INTS6: variants seen among roughly 807,000 people sequenced by gnomAD.
INTS6 encodes DEAD box protein.
A neutral mutation model predicts 104.9 loss-of-function variants in INTS6; 16 were observed. The observed-to-expected ratio is 0.15, with a 90% CI of 0.10 to 0.23. The LOEUF (loss-of-function observed/expected upper bound fraction) is 0.23. Ranked by LOEUF, INTS6 falls within the 10% of genes least tolerant of loss-of-function variation. INTS6 has a pLI of 1.00. For missense variants in INTS6, 584 were observed against 1,062.8 expected (o/e 0.55, Z 6.26); for synonymous variants, 324 against 358.7 (o/e 0.90, Z 1.09).
Position 51,364,454 on chromosome 13 carries a change from T to C in INTS6, c.*1298A>G. On this transcript the variant is annotated 3_prime_UTR_variant, in exon 18 of 18. Coordinates refer to ENST00000311234, the MANE Select transcript of INTS6 (RefSeq NM_012141.3). The stretch of plus-strand genomic sequence containing the variant: ...AGTTTTTAAATGTTATAAGTTTATT[T>C]TGCCTACTCTTAATCCAAATCTATT... The C allele has an allele frequency of 2.0e-6, 1 of 506,736 alleles. No homozygotes were observed. The highest frequency in any genetic ancestry group is 2.0e-5 in the African/African-American group (1 of 50,668). The allele number at this position is 506,736 out of a possible 1,614,324, so 31.4% of individuals were successfully genotyped here. A position where few individuals can be genotyped will look rare whatever the true frequency, so the allele number is the denominator to read the frequency against.
chr13:51,431,685 C>G (rs1234175741), intron 3 of INTS6, among the ~76,000 whole-genome samples: 1 of 152,066 alleles, frequency 6.6e-6, no homozygotes, highest in African/African-American at 2.4e-5. Flanking sequence ...TCAAATCATT[C>G]AACTTGTAAG....
chr13:51,406,490 TTA>T (rs1956569718), intron 4 of INTS6, among the ~76,000 whole-genome samples: 1 of 152,158 alleles, frequency 6.6e-6, no homozygotes, highest in Non-Finnish European at 1.5e-5. Context: ...CCCAACTGCA[TTA>T]TATGTCAGCA....
rs1303433906 is a variant in INTS6, at chr13:51,452,145, GC to G, written c.112-91del. ...AGAAGGGGCGCCCAGCGGCCCCGCC[GC>G]CCCCACAGTACCGCACACGCAGCGG... On this transcript the variant is annotated intron_variant, in intron 1 of 17. Coordinates refer to ENST00000311234, the MANE Select transcript of INTS6 (RefSeq NM_012141.3). This position sits in a 1 kb window ranked among gnomAD's most constrained non-coding sequence, Gnocchi z 4.2. The G allele has an allele frequency of 6.5e-6, 8 of 1,229,142 alleles. No homozygotes were observed. The Admixed American group carries it at 1.3e-4, about 20-fold the overall frequency. The allele number at this position is 1,229,142 out of a possible 1,614,324, so 76.1% of individuals were successfully genotyped here. A position where few individuals can be genotyped will look rare whatever the true frequency, so the allele number is the denominator to read the frequency against.
chr13:51,374,546 G>GTTC (rs1955878820), intron 14 of INTS6, 107 bp from the exon 15 acceptor site: 2 of 1,506,332 alleles, frequency 1.3e-6, no homozygotes, highest in African/African-American at 2.8e-5. Flanking sequence ...ATATTTATTA[G>GTTC]ATACTCTACC....
At chr13:51,373,778 G>C (rs1955861589) in intron 15 of INTS6, among the ~76,000 whole-genome samples, 2 of 152,100 alleles carry the variant, frequency 1.3e-5, no homozygotes, top group Admixed American at 6.5e-5. Context: ...TCCAATATCT[G>C]TTCAATGACT....
At chr13:51,353,150 T>C (rs1043955502), downstream of INTS6, among the ~76,000 whole-genome samples, 4 of 152,198 alleles carry the variant, frequency 2.6e-5, no homozygotes, top group Admixed American at 2.0e-4. Context: ...TTCATAGCCA[T>C]ACAAGACAAT....
At chr13:51,450,693 A>T in intron 3 of INTS6, 1 of 1,004,790 alleles carries the variant, frequency 1.0e-6, no homozygotes, top group Non-Finnish European at 1.2e-6. Flanking sequence ...CCACTATAAT[A>T]GTTGCACATA....
At chr13:51,358,503 C>T (rs903196499), downstream of INTS6, among the ~76,000 whole-genome samples, 4 of 152,106 alleles carry the variant, frequency 2.6e-5, no homozygotes, top group Non-Finnish European at 2.9e-5. Flanking sequence ...TTCTATGCCA[C>T]GCCTTTATGG....
Position 51,452,070 on chromosome 13 carries a change from G to T in INTS6, c.112-15C>A. ...CGGGCACGGAGCTGCGGGACGGGAGGAGGAACAGGGCGGGCGACAGGGAAG... is the reference window on the plus strand; with the variant it reads ...CGGGCACGGAGCTGCGGGACGGGAGTAGGAACAGGGCGGGCGACAGGGAAG... On this transcript the variant is annotated splice_polypyrimidine_tract_variant and intron_variant, in intron 1 of 17. Coordinates refer to ENST00000311234, the MANE Select transcript of INTS6 (RefSeq NM_012141.3). The surrounding 1 kb of genome is among the most constrained non-coding windows in gnomAD (Gnocchi z 4.2). 1 of 1,608,236 alleles carries T rather than the reference G, an allele frequency of 6.2e-7. No homozygotes were observed. The highest frequency in any genetic ancestry group is 8.5e-7 in the Non-Finnish European group (1 of 1,177,118).
intron 13 of INTS6, among the ~76,000 whole-genome samples, chr13:51,375,764 T>TGCGCGCGC (rs1555283860): frequency 4.0e-5 from 6 of 150,848 alleles, no homozygotes; most frequent in African/African-American, 1.5e-4. Context: ...TGTGTGTGTG[T>TGCGCGCGC]GTGCGCGCGC....
At chr13:51,423,033 T>C in intron 4 of INTS6, 29 of 1,272,008 alleles carry the variant, frequency 2.3e-5, no homozygotes, top group Non-Finnish European at 2.8e-5. Flanking sequence ...TACTTGCCTG[T>C]CTTCAAAGAT....
At chr13:51,392,739 T>C (rs1956265822) in intron 5 of INTS6, among the ~76,000 whole-genome samples, 1 of 152,186 alleles carries the variant, frequency 6.6e-6, no homozygotes, top group Non-Finnish European at 1.5e-5. Context: ...TCTACTACAA[T>C]AGTAGTAGGT....
At chr13:51,409,513 T>C (rs555341195) in intron 4 of INTS6, among the ~76,000 whole-genome samples, 31 of 151,978 alleles carry the variant, frequency 2.0e-4, no homozygotes, top group African/African-American at 7.2e-4. Context: ...TCTCATAGCT[T>C]TGATAGTTTT....
chr13:51,361,692 C>T lies in INTS6; in HGVS notation c.*4060G>A, dbSNP rs1037757881. On this transcript the variant is annotated 3_prime_UTR_variant, in exon 18 of 18. Coordinates refer to ENST00000311234, the MANE Select transcript of INTS6 (RefSeq NM_012141.3). Reference sequence around the variant, plus strand: ...TCTGCACCCCCATCACAACAGTAAACAATCAAATGCCATTAGGATGCTTTG... The same window carrying T: ...TCTGCACCCCCATCACAACAGTAAATAATCAAATGCCATTAGGATGCTTTG... The T allele has an allele frequency of 1.1e-6, 1 of 893,162 alleles. No homozygotes were observed. Among genetic ancestry groups the T allele is most frequent in the African/African-American group, 1.7e-5 (1 of 58,728 alleles). 55.3% of individuals were successfully genotyped at this position (893,162 alleles called of 1,614,324 possible). A position where few individuals can be genotyped will look rare whatever the true frequency, so the allele number is the denominator to read the frequency against.
intron 5 of INTS6, among the ~76,000 whole-genome samples, chr13:51,389,822 T>TAC (rs1956212576): frequency 1.3e-5 from 2 of 152,164 alleles, no homozygotes; most frequent in East Asian, 1.9e-4. Context: ...TTAACACATA[T>TAC]ACACACACAC....
chr13:51,449,888 T>C (rs1952999481), intron 3 of INTS6: 1 of 985,308 alleles, frequency 1.0e-6, no homozygotes, highest in Non-Finnish European at 1.2e-6. Context: ...ACGTTGGAAG[T>C]TCAATTTGGT....
intron 4 of INTS6, among the ~76,000 whole-genome samples, chr13:51,416,638 G>C (rs1956792251): frequency 6.6e-6 from 1 of 152,122 alleles, no homozygotes; most frequent in Non-Finnish European, 1.5e-5. Flanking sequence ...ATAGACATTT[G>C]TGTTGTTTCC....
intron 3 of INTS6, chr13:51,438,716 T>A (rs976765434): frequency 4.6e-5 from 7 of 152,368 alleles, no homozygotes; most frequent in African/African-American, 1.7e-4. Flanking sequence ...AGAAATGTGA[T>A]TACACAAAAT....
intron 4 of INTS6, among the ~76,000 whole-genome samples, chr13:51,413,705 G>GA (rs35089232): frequency 1.3e-5 from 2 of 152,144 alleles, no homozygotes; most frequent in East Asian, 1.9e-4. Context: ...GCTCTGTACT[G>GA]AAAAAGCCTG....
Sources: gnomAD v4.1 joint callset for allele counts (sites outside exome capture counted in the v4.1 genomes callset) on GRCh38, gnomAD v4.1.1 for gene constraint, Gnocchi (gnomAD v3.1) non-coding constraint, MANE v1.5 for transcripts, NCBI Gene and HGNC (gene_info 2026-07-23, HGNC 2026-07-21) for gene names.